The following ADAMTS13 variants were observed in gnomAD, a reference collection of about 807,000 sequenced individuals.
ADAMTS13 encodes the protein A disintegrin and metalloproteinase with thrombospondin motifs 13.
In ADAMTS13, 110 loss-of-function variants were observed where a neutral mutation model predicts 155.1. The observed-to-expected ratio is 0.71, with a 90% CI of 0.61 to 0.83. The LOEUF is 0.83. ADAMTS13 is among the 40% of genes least tolerant of loss of function. The pLI is 0.00. For missense variants in ADAMTS13, 1,707 were observed against 1,891.7 expected (o/e 0.90, Z 1.81); for synonymous variants, 758 against 756.4 (o/e 1.00, Z -0.03).
At chr9:133,446,830 A>C (rs1842094666) in intron 21 of ADAMTS13, among the ~76,000 whole-genome samples, 1 of 152,150 alleles carries the variant, frequency 6.6e-6, no homozygotes, top group African/African-American at 2.4e-5. Context: ...CATCCTTGCC[A>C]ACACTTTTTA....
At position 133,426,038 on chromosome 9, in the gene ADAMTS13, C is replaced by T; in HGVS notation, c.515C>T (p.Ala172Val). The T allele has an allele frequency of 1.9e-6, 3 of 1,614,056 alleles. No homozygotes were observed. The highest frequency in any genetic ancestry group is 2.5e-6 in the Non-Finnish European group (3 of 1,180,038). ...GAGGACGACACGGATCCTGGCCATG[C>T]TGACCTGGTCCTCTATATCACTAGG... The part of the protein sequence containing the change: ...NPEDDTDPGH[A>V]DLVLYITRFD... Residue 172 changes from alanine to valine, a missense_variant, in exon 5 of 29, where the codon GCT (alanine) becomes GTT (valine). Coordinates refer to ENST00000355699, the MANE Select transcript of ADAMTS13 (RefSeq NM_139027.6).
In ADAMTS13 at chr9:133,440,852, T is replaced by G. The variant is rs587758030; in HGVS notation, c.1968+327T>G. Reference sequence around the variant, plus strand: ...AGAGTGATGGAGCTGAGGTGTCAGATGAGCAGATGTTGCTGGGCCAAGCAG... The same window carrying G: ...AGAGTGATGGAGCTGAGGTGTCAGAGGAGCAGATGTTGCTGGGCCAAGCAG... On this transcript the variant is annotated intron_variant, in intron 16 of 28. Coordinates refer to ENST00000355699, the MANE Select transcript of ADAMTS13 (RefSeq NM_139027.6). This position sits in a 1 kb window ranked among gnomAD's most constrained non-coding sequence, Gnocchi z 4.3. Among the ~76,000 whole-genome samples, 5 of 152,076 alleles carry G rather than the reference T, an allele frequency of 3.3e-5. No individual in the cohort carries two copies. The South Asian group carries it at 1.0e-3, about 32-fold the overall frequency.
intron 15 of ADAMTS13, among the ~76,000 whole-genome samples, chr9:133,439,740 G>A (rs375617757): frequency 6.6e-6 from 1 of 152,236 alleles, no homozygotes; most frequent in African/African-American, 2.4e-5. Flanking sequence ...CACCCTTCTA[G>A]CATTGGAGCG....
At position 133,449,522 on chromosome 9, in the gene ADAMTS13, C is replaced by G. The variant is rs36221912; in HGVS notation, c.2862-261C>G. On this transcript the variant is annotated intron_variant, in intron 22 of 28. Transcript: ENST00000355699. ...TGCAGGGCCCTTGGGTGCCCGGACC[C>G]CTGCCCCCACTGTCTCTGGGATACG... 2.6e-3 allele frequency among the ~76,000 whole-genome samples: 389 copies of G among 152,246 alleles called. 2 individuals are homozygous for G. Among genetic ancestry groups the G allele is most frequent in the African/African-American group, 8.8e-3 (365 of 41,542 alleles).
At chr9:133,455,116 G>T (rs2130940640) in intron 24 of ADAMTS13, among the ~76,000 whole-genome samples, 169 bp from the exon 25 acceptor site, 1 of 152,272 alleles carries the variant, frequency 6.6e-6, no homozygotes, top group South Asian at 2.1e-4. Context: ...TATGACCCAT[G>T]CAAGGTGCCC....
intron 23 of ADAMTS13, among the ~76,000 whole-genome samples, chr9:133,451,838 G>A (rs998463196): frequency 7.4e-6 from 1 of 136,006 alleles, no homozygotes; most frequent in Non-Finnish European, 1.5e-5. Flanking sequence ...GCTGCAGTGA[G>A]CAGAGATCAC....
intron 13 of ADAMTS13, 124 bp downstream of exon 13, chr9:133,438,021 C>T (rs895760478): frequency 1.9e-6 from 3 of 1,556,820 alleles, no homozygotes; most frequent in African/African-American, 1.4e-5. Context: ...GGGAGTGGTG[C>T]TGGGGAAAAG....
At chr9:133,448,523 G>T in intron 21 of ADAMTS13, 76 bp from the exon 22 acceptor site, 1 of 1,591,008 alleles carries the variant, frequency 6.3e-7, no homozygotes. Flanking sequence ...TGTGCTAGAG[G>T]TGTCCAGTGA....
chr9:133,442,492 TG>T lies in ADAMTS13; in HGVS notation c.2065del (p.Ala689ProfsTer9). 6.2e-7 allele frequency: 1 copy of T among 1,613,672 alleles called. No individual in the cohort carries two copies. The highest frequency in any genetic ancestry group is 8.5e-7 in the Non-Finnish European group (1 of 1,180,026). ...FQPKPRQAWV[W>X]AAVRGPCSVS... ...GCCTAAGCCACGGCAGGCCTGGGTG[TG>T]GGCCGCTGTGCGTGGGCCCTGCTCG... On this transcript the variant is annotated frameshift_variant, in exon 17 of 29. Transcript: ENST00000355699. LOFTEE classifies it high-confidence loss of function.
At chr9:133,414,791 G>C (rs1032708145) in intron 1 of ADAMTS13, 10 of 1,614,100 alleles carry the variant, frequency 6.2e-6, no homozygotes, top group Non-Finnish European at 8.5e-6. Flanking sequence ...TGTTCCACTG[G>C]CCTTGGTGCG....
chr9:133,424,343 CCAGAGG>C lies in ADAMTS13; in HGVS notation c.215_220del (p.Gln72_Arg73del), dbSNP rs781853881. The C allele has an allele frequency of 1.2e-5, 19 of 1,613,080 alleles. No homozygotes were observed. The East Asian group carries it at 1.6e-4, about 13-fold the overall frequency. ...CAGGCCGCCCTCCTTCCCCTGGCTT[CCAGAGG>C]CAGAGGCAGAGGCAGAGGCGGGCTG... is the stretch of plus-strand genomic sequence containing the variant. On this transcript the variant is annotated inframe_deletion, in exon 3 of 29. Transcript: ENST00000355699. The surrounding 1 kb of genome is among the most constrained non-coding windows in gnomAD (Gnocchi z 4.3).
At chr9:133,454,709 G>C in intron 24 of ADAMTS13, 90 bp downstream of exon 24, 2 of 1,434,954 alleles carry the variant, frequency 1.4e-6, no homozygotes, top group Non-Finnish European at 1.9e-6. Flanking sequence ...GGAGGCATTG[G>C]CTCATCGTGT....
intron 28 of ADAMTS13, 55 bp from the exon 29 acceptor site, chr9:133,458,919 T>G: frequency 5.2e-5 from 79 of 1,514,354 alleles, no homozygotes; most frequent in Middle Eastern, 2.0e-4. Context: ...AAGGCTTCCG[T>G]GAGTGCTAAT....
At chr9:133,457,162 A>G in intron 27 of ADAMTS13, 1 of 257,516 alleles carries the variant, frequency 3.9e-6, no homozygotes, top group Middle Eastern at 1.4e-3. Flanking sequence ...ATGCCACCTC[A>G]GGGACTCCAG....
At chr9:133,418,010 T>G, upstream of ADAMTS13, 1 of 637,628 alleles carries the variant, frequency 1.6e-6, no homozygotes, top group Non-Finnish European at 2.7e-6. Context: ...GCGTTGCGCA[T>G]ACCTCAGCAC....
chr9:133,438,396 G>T (rs1841411324), intron 14 of ADAMTS13, 30 bp downstream of exon 14: 2 of 1,612,026 alleles, frequency 1.2e-6, no homozygotes. Context: ...GCAGAGGCTG[G>T]GCTTCCCCCA....
chr9:133,432,906 T>TG (rs1270279079), intron 9 of ADAMTS13, among the ~76,000 whole-genome samples: 1 of 151,708 alleles, frequency 6.6e-6, no homozygotes, highest in Non-Finnish European at 1.5e-5. Context: ...GCCTGTTGTA[T>TG]GGGGGGTGCC....
At chr9:133,429,477 C>T (rs1159528917) in intron 7 of ADAMTS13, among the ~76,000 whole-genome samples, 1 of 121,562 alleles carries the variant, frequency 8.2e-6, no homozygotes, top group Admixed American at 8.3e-5. Context: ...CAGCCCCCTG[C>T]ACCCACCCCG....
chr9:133,455,508 C>T (rs1842686244), intron 25 of ADAMTS13, 73 bp downstream of exon 25: 2 of 1,611,990 alleles, frequency 1.2e-6, no homozygotes, highest in Non-Finnish European at 1.7e-6. Flanking sequence ...GCTGGTGCCT[C>T]CCTGGAGTGG....
Sources: allele counts gnomAD v4.1 joint callset (sites outside exome capture counted in the v4.1 genomes callset), GRCh38; gene constraint gnomAD v4.1.1; non-coding constraint Gnocchi (gnomAD v3.1); transcripts MANE v1.5; gene names NCBI Gene and HGNC (gene_info 2026-07-23, HGNC 2026-07-21).